The following IAPP variants were observed in gnomAD, a reference collection of about 807,000 sequenced individuals.
The protein encoded by IAPP is Islet amyloid polypeptide (diabetes-associated peptide; amylin).
A neutral mutation model predicts 2.9 loss-of-function variants in IAPP; 4 were observed. That is an observed-to-expected ratio of 1.39 (90% confidence interval 0.69 to 3.19). IAPP has a LOEUF of 3.19. Among genes scored for constraint, IAPP ranks in the 30% most tolerant of loss-of-function variants. The pLI is 0.01. For synonymous variants in IAPP, 40 were observed against 42.1 expected (o/e 0.95, Z 0.19); for missense variants, 114 against 105.3 (o/e 1.08, Z -0.36).
intron 1 of IAPP, 166 bp downstream of exon 1, chr12:21,373,170 T>C: frequency 1.6e-6 from 1 of 609,574 alleles, no homozygotes; most frequent in Non-Finnish European, 2.9e-6. Context: ...ATCTCGAAAT[T>C]ACTTGAAAAG....
upstream of IAPP, among the ~76,000 whole-genome samples, chr12:21,368,103 A>C (rs1939521895): frequency 6.6e-6 from 1 of 152,170 alleles, no homozygotes; most frequent in African/African-American, 2.4e-5. Context: ...CTTGCCTGCT[A>C]TCTGAACCCA....
At chr12:21,357,608 AT>A (rs1938476519) in intron 1 of IAPP, among the ~76,000 whole-genome samples, 1 of 152,222 alleles carries the variant, frequency 6.6e-6, no homozygotes, top group African/African-American at 2.4e-5. Context: ...TTAGCGTCCA[AT>A]AGATGCTCTA....
chr12:21,378,462 C>A lies in IAPP; in HGVS notation c.*36C>A. 6.6e-7 allele frequency: 1 copy of A among 1,522,914 alleles called. No individual in the cohort carries two copies. The highest frequency in any genetic ancestry group is 1.1e-5 in the South Asian group (1 of 89,208). The allele number at this position is 1,522,914 out of a possible 1,614,324, so 94.3% of individuals were successfully genotyped here. On this transcript the variant is annotated 3_prime_UTR_variant, in exon 3 of 3. Coordinates refer to ENST00000240652, the MANE Select transcript of IAPP (RefSeq NM_000415.3). Reference sequence around the variant, plus strand: ...AACTCTATAGTTATTGTTTTATGTTCTAGTGATTTCCTGTATAATTTAACA... The same window carrying A: ...AACTCTATAGTTATTGTTTTATGTTATAGTGATTTCCTGTATAATTTAACA...
chr12:21,358,619 T>C (rs1938563203), intron 1 of IAPP, among the ~76,000 whole-genome samples: 1 of 152,140 alleles, frequency 6.6e-6, no homozygotes, highest in African/African-American at 2.4e-5. Flanking sequence ...CACTAGTTAA[T>C]ACTTTTCAAT....
At chr12:21,369,741 T>G (rs560124890), upstream of IAPP, among the ~76,000 whole-genome samples, 1 of 152,312 alleles carries the variant, frequency 6.6e-6, no homozygotes, top group Admixed American at 6.5e-5. Context: ...TCTAATAAGC[T>G]CCCAGGTGAT....
At chr12:21,358,729 AAAAT>A (rs1408530043) in intron 1 of IAPP, among the ~76,000 whole-genome samples, 1 of 149,192 alleles carries the variant, frequency 6.7e-6, no homozygotes, top group Non-Finnish European at 1.5e-5. Flanking sequence ...AATTAAAAGA[AAAAT>A]AAAAAGCGGT....
intron 1 of IAPP, among the ~76,000 whole-genome samples, chr12:21,362,259 A>T (rs1244913782): frequency 6.6e-6 from 1 of 152,172 alleles, no homozygotes; most frequent in African/African-American, 2.4e-5. Context: ...ATTCTTAAAG[A>T]AAAGAATTTT....
upstream of IAPP, among the ~76,000 whole-genome samples, chr12:21,371,820 T>C (rs1012204117): frequency 2.0e-4 from 30 of 152,052 alleles, no homozygotes; most frequent in Middle Eastern, 6.8e-3. Context: ...CTGACCAACA[T>C]AGAGAATCCC....
intron 2 of IAPP, 157 bp downstream of exon 2, chr12:21,373,588 C>A: frequency 1.4e-6 from 1 of 705,484 alleles, no homozygotes; most frequent in Non-Finnish European, 2.6e-6. Flanking sequence ...ATTCTGTGTT[C>A]TTTAAAGAAT....
At chr12:21,372,003 C>G, upstream of IAPP, among the ~76,000 whole-genome samples, 1 of 122,536 alleles carries the variant, frequency 8.2e-6, no homozygotes, top group East Asian at 2.3e-4. Flanking sequence ...AACTTCATCT[C>G]AAAAAAAAAG....
rs565548839 is a variant in IAPP at position 21,358,681 on chromosome 12, AAAG to A, written c.-16+3672_-16+3674del. Among the ~76,000 whole-genome samples, 113 of 152,162 alleles carry A rather than the reference AAAG, an allele frequency of 7.4e-4. No individual in the cohort carries two copies. In the Middle Eastern group the frequency reaches 0.01, roughly 14 times the overall value. Reference sequence around the variant, plus strand: ...ATTAAAAATTAACTTTGAAACATGAAAAGAAGTCTACAAACAATAAATGAACAA... The same window carrying A: ...ATTAAAAATTAACTTTGAAACATGAAAAGTCTACAAACAATAAATGAACAA... On this transcript the variant is annotated intron_variant, in intron 1 of 2. Transcript: ENST00000539393.
rs1012694336 is a variant in IAPP at position 21,379,521 on chromosome 12, C to T, written c.*1095C>T. 6.6e-6 allele frequency: 1 copy of T among 152,158 alleles called. No individual in the cohort carries two copies. Among genetic ancestry groups the T allele is most frequent in the African/African-American group, 2.4e-5 (1 of 41,448 alleles). 9.4% of individuals were successfully genotyped at this position (152,158 alleles called of 1,614,324 possible). ...TATAAGAATTATTTCTTTTGTTTAA[C>T]AAATTAGACATTTCTGGCAGAGGTT... On this transcript the variant is annotated 3_prime_UTR_variant, in exon 3 of 3. Coordinates refer to ENST00000240652, the MANE Select transcript of IAPP (RefSeq NM_000415.3).
At chr12:21,366,442 G>A (rs952132689) in intron 1 of IAPP, among the ~76,000 whole-genome samples, 5 of 152,058 alleles carry the variant, frequency 3.3e-5, no homozygotes, top group African/African-American at 1.2e-4. Context: ...TATACCTAAT[G>A]TAAATGACGA....
In IAPP at chr12:21,378,352, G is replaced by A. The variant is rs200376097; in HGVS notation, c.196G>A (p.Gly66Arg). ...TGCCATTCTCTCATCTACCAACGTG[G>A]GATCCAATACATATGGCAAGAGGAA... ...FGAILSSTNV[G>R]SNTYGKRNAV... is the part of the protein sequence containing the mutation. Residue 66 changes from glycine to arginine, a missense_variant, in exon 3 of 3, where the codon GGA becomes AGA. Gly to Arg is a moderately radical substitution (Grantham distance 125). Transcript: ENST00000240652. 1.9e-6 allele frequency: 3 copies of A among 1,614,126 alleles called. No homozygotes were observed. The highest frequency in any genetic ancestry group is 2.5e-6 in the Non-Finnish European group (3 of 1,180,004).
upstream of IAPP, among the ~76,000 whole-genome samples, chr12:21,370,621 G>T (rs1939713855): frequency 6.6e-6 from 1 of 151,774 alleles, no homozygotes; most frequent in African/African-American, 2.4e-5. Context: ...GGTAAGAGAG[G>T]ATCCATTTTG....
chr12:21,366,971 A>G (rs866300607), intron 1 of IAPP, among the ~76,000 whole-genome samples: 1 of 152,080 alleles, frequency 6.6e-6, no homozygotes, highest in South Asian at 2.1e-4. Context: ...TCAGAACTAA[A>G]TAACACAAAT....
rs1940377727 is a variant in IAPP, at chr12:21,378,552, T to C, written c.*126T>C. ...GTCTGATGTTTGTTGCTAGGACATA[T>C]ACCTTCTCAAAAGATTGTTTTATAT... is the stretch of plus-strand genomic sequence containing the variant. On this transcript the variant is annotated 3_prime_UTR_variant, in exon 3 of 3. Coordinates refer to ENST00000240652, the MANE Select transcript of IAPP (RefSeq NM_000415.3). 6.6e-6 allele frequency: 5 copies of C among 762,996 alleles called. No homozygotes were observed. The highest frequency in any genetic ancestry group is 1.1e-5 in the Non-Finnish European group (5 of 447,032). The allele number at this position is 762,996 out of a possible 1,614,324, so 47.3% of individuals were successfully genotyped here.
chr12:21,364,705 G>C (rs1167735498), intron 1 of IAPP, among the ~76,000 whole-genome samples: 1 of 152,120 alleles, frequency 6.6e-6, no homozygotes, highest in African/African-American at 2.4e-5. Flanking sequence ...AAAATCTCAG[G>C]ATACAAACTC....
intron 2 of IAPP, chr12:21,376,333 C>T: frequency 2.8e-6 from 1 of 356,368 alleles, no homozygotes. Flanking sequence ...ATGTTTGGAC[C>T]AAATTCCAAT....
Sources: gnomAD v4.1 joint callset for allele counts (sites outside exome capture counted in the v4.1 genomes callset) on GRCh38, gnomAD v4.1.1 for gene constraint, MANE v1.5 for transcripts, NCBI Gene and HGNC (gene_info 2026-07-23, HGNC 2026-07-21) for gene names.